The following DLG2 variants were observed in gnomAD, a reference collection of about 807,000 sequenced individuals.
DLG2 encodes discs large MAGUK scaffold protein 2.
DLG2 carries 45 observed loss-of-function variants against 132.5 expected under a neutral mutation model. That is an observed-to-expected ratio of 0.34 (90% CI 0.27 to 0.44). The LOEUF is 0.44. Among genes scored for constraint, DLG2 ranks in the 20% least tolerant of loss-of-function variants. DLG2 has a pLI of 1.00. For synonymous variants in DLG2, 424 were observed against 419.6 expected, an observed-to-expected ratio of 1.01 and a Z score of -0.13; for missense variants, 1,045 against 1,196.9, an observed-to-expected ratio of 0.87 and a Z score of 1.87.
chr11:85,278,317 A>C (rs1030066207), intron 4 of DLG2, among the ~76,000 whole-genome samples: 1 of 152,234 alleles, frequency 6.6e-6, no homozygotes, highest in African/African-American at 2.4e-5. Context: ...AATCAATAAA[A>C]TATCTACCAT....
At chr11:84,442,819 C>T (rs1346648492) in intron 7 of DLG2, among the ~76,000 whole-genome samples, 1 of 152,004 alleles carries the variant, frequency 6.6e-6, no homozygotes, top group African/African-American at 2.4e-5. Context: ...ATGATATAAA[C>T]TCACTAATAA....
chr11:84,016,510 T>C (rs913088908), intron 11 of DLG2, among the ~76,000 whole-genome samples: 9 of 152,266 alleles, frequency 5.9e-5, no homozygotes, highest in African/African-American at 2.2e-4. Flanking sequence ...TGAATCCATC[T>C]TGAGTTGATT....
chr11:84,341,231 A>C (rs912727459), intron 7 of DLG2, among the ~76,000 whole-genome samples: 2 of 152,166 alleles, frequency 1.3e-5, no homozygotes, highest in Admixed American at 1.3e-4. Context: ...GATATATATT[A>C]ATACCTAGTT....
intron 10 of DLG2, among the ~76,000 whole-genome samples, chr11:84,083,577 T>C (rs1247404553): frequency 1.3e-5 from 2 of 152,162 alleles, no homozygotes; most frequent in Non-Finnish European, 2.9e-5. Context: ...ATTAATATTA[T>C]CATGACAGTG....
intron 6 of DLG2, among the ~76,000 whole-genome samples, chr11:84,771,403 C>T (rs1418030497): frequency 6.6e-6 from 1 of 152,100 alleles, no homozygotes; most frequent in Non-Finnish European, 1.5e-5. Flanking sequence ...TGCTTTTTGG[C>T]CACACGTCTT....
At chr11:85,271,529 G>C (rs560053282) in intron 4 of DLG2, among the ~76,000 whole-genome samples, 23 of 152,340 alleles carry the variant, frequency 1.5e-4, no homozygotes, top group African/African-American at 4.8e-4. Flanking sequence ...CTTGCACCGT[G>C]CACCCAGAAA....
At chr11:85,131,724 A>G (rs987318467) in intron 5 of DLG2, among the ~76,000 whole-genome samples, 6 of 152,272 alleles carry the variant, frequency 3.9e-5, no homozygotes, top group Non-Finnish European at 7.4e-5. Context: ...CTGGGGCTTC[A>G]TTTGTAAAAG....
At chr11:85,484,165 C>T (rs182056454) in intron 3 of DLG2, among the ~76,000 whole-genome samples, 14 of 151,998 alleles carry the variant, frequency 9.2e-5, no homozygotes, top group Non-Finnish European at 1.6e-4. Context: ...GCAGTCCGCC[C>T]GGAGGATTCA....
chr11:85,066,371 A>T (rs1005897008), intron 6 of DLG2, among the ~76,000 whole-genome samples: 1 of 151,714 alleles, frequency 6.6e-6, no homozygotes, highest in African/African-American at 2.4e-5. Flanking sequence ...CAGATGTACA[A>T]AAGACAGTGG....
intron 6 of DLG2, among the ~76,000 whole-genome samples, chr11:84,703,863 T>G (rs890767597): frequency 8.7e-6 from 1 of 114,534 alleles, no homozygotes; most frequent in East Asian, 2.2e-4. Flanking sequence ...TGAAGATATA[T>G]ATATATATAT....
At chr11:83,846,724 C>T (rs930065749) in intron 16 of DLG2, among the ~76,000 whole-genome samples, 35 of 152,018 alleles carry the variant, frequency 2.3e-4, no homozygotes, top group Non-Finnish European at 7.4e-5. Context: ...ATTTTCTTCT[C>T]GCAACATAAA....
intron 6 of DLG2, among the ~76,000 whole-genome samples, chr11:84,591,560 T>C (rs11234087): frequency 0.3 from 44,554 of 150,980 alleles, 7,524 homozygotes; most frequent in African/African-American, 0.46. Flanking sequence ...ACTGGGGAGG[T>C]TGAGGAAGGA....
At chr11:84,409,687 C>T (rs2154456744) in intron 7 of DLG2, among the ~76,000 whole-genome samples, 1 of 152,116 alleles carries the variant, frequency 6.6e-6, no homozygotes, top group South Asian at 2.1e-4. Flanking sequence ...TTTTTTTCTT[C>T]CTACCACCTT....
intron 19 of DLG2, among the ~76,000 whole-genome samples, chr11:83,578,675 C>A (rs1027020852): frequency 1.3e-5 from 2 of 151,938 alleles, no homozygotes; most frequent in African/African-American, 4.8e-5. Context: ...AATGATGAAG[C>A]CCCAAATTTA....
intron 4 of DLG2, among the ~76,000 whole-genome samples, chr11:85,185,908 GGGA>G (rs2080061416): frequency 6.6e-6 from 1 of 151,910 alleles, no homozygotes; most frequent in Non-Finnish European, 1.5e-5. Context: ...TCATAGGTAA[GGGA>G]AAACTGAGGC....
chr11:84,991,921 T>C (rs1160829751), intron 6 of DLG2, among the ~76,000 whole-genome samples: 1 of 152,238 alleles, frequency 6.6e-6, no homozygotes, highest in Non-Finnish European at 1.5e-5. Context: ...TAACTTGATA[T>C]GCAAATTCTT....
rs1334736625 is a variant in DLG2, at chr11:84,801,443, C to T, written c.358-266712G>A. Among the ~76,000 whole-genome samples, 17 of 152,186 alleles carry T rather than the reference C, an allele frequency of 1.1e-4. No homozygotes were observed. In the East Asian group the frequency reaches 1.4e-3, roughly 12 times the overall value. ...AAAACTAGCCGGGTGTGGTGGCGGG[C>T]GCCTGTAGTCCCAGCTACGCAGGAG... is the stretch of plus-strand genomic sequence containing the variant. On this transcript the variant is annotated intron_variant, in intron 6 of 27. Transcript: ENST00000376104.
At chr11:84,508,651 C>T (rs746614889) in intron 7 of DLG2, among the ~76,000 whole-genome samples, 4 of 152,108 alleles carry the variant, frequency 2.6e-5, no homozygotes, top group Non-Finnish European at 4.4e-5. Flanking sequence ...CCACTCGCCT[C>T]GGCCTCCCAA....
intron 6 of DLG2, chr11:85,021,713 C>A: frequency 2.4e-6 from 2 of 821,216 alleles, no homozygotes; most frequent in Non-Finnish European, 2.0e-6. Flanking sequence ...CAAAAAAAAT[C>A]CCATAGGAGT....
Sources: gnomAD v4.1 joint callset for allele counts (sites outside exome capture counted in the v4.1 genomes callset) on GRCh38, gnomAD v4.1.1 for gene constraint, MANE v1.5 for transcripts, NCBI Gene and HGNC (gene_info 2026-07-23, HGNC 2026-07-21) for gene names.